The following CD200R1L variants were observed in gnomAD, a reference collection of about 807,000 sequenced individuals.
The protein encoded by CD200R1L is cell surface glycoprotein CD200 receptor 2.
CD200R1L carries 14 observed loss-of-function variants against 24.8 expected under a neutral mutation model. The observed-to-expected ratio is 0.56, with a 90% CI of 0.37 to 0.88. The LOEUF (loss-of-function observed/expected upper bound fraction) is 0.88, where lower values mean the gene tolerates loss of function less well. Ranked by LOEUF, CD200R1L falls within the 40% of genes least tolerant of loss-of-function variation. The probability of loss-of-function intolerance (pLI) is 0.00; values close to 1 mark genes in which losing one functional copy is unlikely to be tolerated. For synonymous variants in CD200R1L, 111 were observed against 109.2 expected (o/e 1.02, Z -0.11); for missense variants, 299 against 297.8 (o/e 1.00, Z -0.03).
At chr3:112,829,456 C>A in intron 3 of CD200R1L, 72 bp from the exon 4 acceptor site, 4 of 1,405,928 alleles carry the variant, frequency 2.8e-6, no homozygotes, top group South Asian at 2.4e-5. Context: ...TGTTTCCCCA[C>A]AGTCTTACTC....
At chr3:112,828,779 C>T (rs2107340127) in intron 4 of CD200R1L, among the ~76,000 whole-genome samples, 1 of 152,252 alleles carries the variant, frequency 6.6e-6, no homozygotes, top group East Asian at 1.9e-4. Context: ...GTTTCCACAA[C>T]TGATCAGGGT....
rs572572769 is a variant in CD200R1L, at chr3:112,837,705, A to G, written c.-18+237T>C. The stretch of plus-strand genomic sequence containing the variant: ...AGACCAGAATATGTAGACTACTTGA[A>G]GGTGCTGTAAGTTTTCTTCTTTTTA... On this transcript the variant is annotated intron_variant, in intron 3 of 7. Coordinates refer to ENST00000488794, the MANE Select transcript of CD200R1L (RefSeq NM_001199215.3). Among the ~76,000 whole-genome samples the G allele has an allele frequency of 6.7e-4, 102 of 151,944 alleles. 15 individuals are homozygous for G. Among genetic ancestry groups the G allele is most frequent in the African/African-American group, 2.4e-3 (100 of 41,204 alleles).
intron 2 of CD200R1L, among the ~76,000 whole-genome samples, chr3:112,844,915 A>G (rs2107357626): frequency 6.6e-6 from 1 of 152,270 alleles, no homozygotes; most frequent in East Asian, 1.9e-4. Context: ...TAAGAGCTAA[A>G]ATCCGTCTCA....
chr3:112,825,096 A>C (rs1357656121), intron 6 of CD200R1L, among the ~76,000 whole-genome samples: 1 of 151,934 alleles, frequency 6.6e-6, no homozygotes, highest in Non-Finnish European at 1.5e-5. Context: ...AAAATTAGCC[A>C]GGCGTGGTGG....
chr3:112,842,750 G>A (rs183901826), intron 2 of CD200R1L, among the ~76,000 whole-genome samples: 84 of 152,274 alleles, frequency 5.5e-4, no homozygotes, highest in Non-Finnish European at 1.1e-3. Flanking sequence ...TGTCTTATGC[G>A]GGAGATGCGC....
At chr3:112,827,827 G>T in intron 4 of CD200R1L, 143 bp from the exon 5 acceptor site, 1 of 752,878 alleles carries the variant, frequency 1.3e-6, no homozygotes, top group Non-Finnish European at 2.1e-6. Context: ...ACTTAGGTAA[G>T]AAAATAACAT....
chr3:112,839,110 T>C (rs1939025422), intron 2 of CD200R1L, among the ~76,000 whole-genome samples: 1 of 152,132 alleles, frequency 6.6e-6, no homozygotes, highest in South Asian at 2.1e-4. Flanking sequence ...TTCCATACTT[T>C]CTACTCATTA....
chr3:112,842,809 G>A (rs958544908), intron 2 of CD200R1L, among the ~76,000 whole-genome samples: 3 of 152,002 alleles, frequency 2.0e-5, no homozygotes, highest in African/African-American at 4.8e-5. Context: ...GAAAAACTCC[G>A]CCCTGGTAAA....
chr3:112,823,218 G>T (rs1018513307), intron 6 of CD200R1L, among the ~76,000 whole-genome samples: 4 of 152,164 alleles, frequency 2.6e-5, no homozygotes, highest in African/African-American at 9.7e-5. Context: ...TACCCGAATG[G>T]CTGTTCTCAG....
At chr3:112,836,078 G>A (rs1413299369) in intron 3 of CD200R1L, among the ~76,000 whole-genome samples, 8 of 152,252 alleles carry the variant, frequency 5.3e-5, no homozygotes, top group East Asian at 1.9e-4. Flanking sequence ...CTTCAGCCAG[G>A]TGCTTGTGGG....
chr3:112,830,390 TA>T (rs543726278), intron 3 of CD200R1L, among the ~76,000 whole-genome samples: 381 of 152,074 alleles, frequency 2.5e-3, no homozygotes, highest in Non-Finnish European at 3.8e-3. Context: ...CATCAGGTGT[TA>T]CCATTATTCA....
In CD200R1L at chr3:112,827,632, A is replaced by G; in HGVS notation, c.102T>C (p.Pro34=). The G allele has an allele frequency of 1.2e-6, 2 of 1,613,944 alleles. No individual in the cohort carries two copies. Among genetic ancestry groups the G allele is most frequent in the Non-Finnish European group, 1.7e-6 (2 of 1,179,848 alleles). The change falls in exon 5 of 8, where the codon CCT becomes CCC. Residue 34 remains proline, a synonymous_variant. Transcript: ENST00000488794. ...TGATCAAATTTCTTAATGCGATAGG[A>G]GGGCAACAAAGCACAGCATTTATAT... The part of the protein sequence containing the change: ...LMDINAVLCC[P]PIALRNLIII...
At chr3:112,817,193 A>G (rs377379971) in intron 7 of CD200R1L, among the ~76,000 whole-genome samples, 1 of 152,196 alleles carries the variant, frequency 6.6e-6, no homozygotes, top group African/African-American at 2.4e-5. Flanking sequence ...AAAGAAAGGC[A>G]CACAACAGCT....
rs141358195 is a variant in CD200R1L, at chr3:112,819,807, T to C, written c.705A>G (p.Thr235=). ...LSLFVVILVT[T]GFVFFQRINH... ...TTATCCTCTGGAAGAAAACAAATCC[T>C]GTGGTGACCAGAATGACCACAAAAA... Residue 235 remains threonine (T), a synonymous_variant, in exon 7 of 8, where the codon ACA becomes ACG. Coordinates refer to ENST00000488794, the MANE Select transcript of CD200R1L (RefSeq NM_001199215.3). 6.8e-6 allele frequency: 11 copies of C among 1,611,772 alleles called. No homozygotes were observed. The highest frequency in any genetic ancestry group is 1.3e-5 in the African/African-American group (1 of 74,842).
chr3:112,828,346 A>T (rs1309717297), intron 4 of CD200R1L, among the ~76,000 whole-genome samples: 2 of 152,212 alleles, frequency 1.3e-5, no homozygotes, highest in Non-Finnish European at 2.9e-5. Context: ...AGATCCACAG[A>T]TCTTTAAAAA....
rs1938686451 is a variant in CD200R1L at position 112,827,348 on chromosome 3, A to T, written c.367+19T>A. 6.2e-7 allele frequency: 1 copy of T among 1,605,998 alleles called. No homozygotes were observed. The highest frequency in any genetic ancestry group is 1.3e-5 in the African/African-American group (1 of 74,706). On this transcript the variant is annotated intron_variant, in intron 5 of 7. Coordinates refer to ENST00000488794, the MANE Select transcript of CD200R1L (RefSeq NM_001199215.3). ...CAAATCTGGTGATGTGAAATACCTCAGTATGTGATGCTCCTTACCTAACAC... is the reference window on the plus strand; with the variant it reads ...CAAATCTGGTGATGTGAAATACCTCTGTATGTGATGCTCCTTACCTAACAC...
chr3:112,838,062 C>T, intron 2 of CD200R1L, 52 bp from the exon 3 acceptor site: 2 of 679,898 alleles, frequency 2.9e-6, no homozygotes, highest in Non-Finnish European at 4.3e-6. Context: ...CTTTTCTTTA[C>T]TGAAATGGAC....
rs148813341 is a variant in CD200R1L at position 112,829,929 on chromosome 3, T to C, written c.-17-545A>G. On this transcript the variant is annotated intron_variant, in intron 3 of 7. Coordinates refer to ENST00000488794, the MANE Select transcript of CD200R1L (RefSeq NM_001199215.3). ...CTATCATAAGGTCATGGTAGACACA[T>C]TGTGGCCCTCCCAGTGACATGAACT... Among the ~76,000 whole-genome samples, 4 of 152,316 alleles carry C rather than the reference T, an allele frequency of 2.6e-5. No homozygotes were observed. In the East Asian group the frequency reaches 5.8e-4, roughly 22 times the overall value.
At chr3:112,841,020 A>G (rs1186131517) in intron 2 of CD200R1L, among the ~76,000 whole-genome samples, 1 of 152,174 alleles carries the variant, frequency 6.6e-6, no homozygotes, top group Admixed American at 6.5e-5. Context: ...GGGATCCGGA[A>G]TGTATGTTAG....
Sources: allele counts gnomAD v4.1 joint callset (sites outside exome capture counted in the v4.1 genomes callset), GRCh38; gene constraint gnomAD v4.1.1; transcripts MANE v1.5; gene names NCBI Gene and HGNC (gene_info 2026-07-23, HGNC 2026-07-21).